The following GPR39 variants were observed in gnomAD, a reference collection of about 807,000 sequenced individuals.
GPR39 encodes zinc sensing receptor.
A neutral mutation model predicts 18.4 loss-of-function variants in GPR39; 23 were observed. That is an observed-to-expected ratio of 1.25 (90% CI 0.90 to 1.77). GPR39 has a LOEUF of 1.77. Among genes scored for constraint, GPR39 ranks in the 40% most tolerant of loss-of-function variants. GPR39 has a pLI of 0.00. For synonymous variants in GPR39, 280 were observed against 257.9 expected, an observed-to-expected ratio of 1.09 and a Z score of -0.82; for missense variants, 647 against 602.4, an observed-to-expected ratio of 1.07 and a Z score of -0.78.
At chr2:132,592,093 G>T (rs1680855975) in intron 1 of GPR39, among the ~76,000 whole-genome samples, 1 of 152,204 alleles carries the variant, frequency 6.6e-6, no homozygotes, top group Non-Finnish European at 1.5e-5. Flanking sequence ...TGGTATTCTA[G>T]ACATTAAGAG....
In GPR39 at chr2:132,443,387, C is replaced by T. The variant is rs114054086; in HGVS notation, c.856+25489C>T. On this transcript the variant is annotated intron_variant, in intron 1 of 1. Transcript: ENST00000329321. ...GGATGACATAAAAGCGATACACATT[C>T]GGGAGAAAGCACTCTGTGAGTACCC... Among the ~76,000 whole-genome samples the T allele has an allele frequency of 8.9e-3, 1,361 of 152,222 alleles. 19 individuals are homozygous for T. Among genetic ancestry groups the T allele is most frequent in the African/African-American group, 0.03 (1,263 of 41,544 alleles).
chr2:132,602,770 A>T (rs1681065159), intron 1 of GPR39, among the ~76,000 whole-genome samples: 1 of 152,098 alleles, frequency 6.6e-6, no homozygotes. Flanking sequence ...CAAGTGGCCA[A>T]TAAGTATATG....
At chr2:132,423,395 A>G (rs892618636) in intron 1 of GPR39, among the ~76,000 whole-genome samples, 3 of 152,252 alleles carry the variant, frequency 2.0e-5, no homozygotes, top group Middle Eastern at 6.8e-3. Context: ...TACCTCCCAA[A>G]GGCCCAATCT....
chr2:132,598,364 G>GT (rs1437104431), intron 1 of GPR39, among the ~76,000 whole-genome samples: 27 of 134,380 alleles, frequency 2.0e-4, no homozygotes, highest in Non-Finnish European at 3.4e-4. Flanking sequence ...ATCACCAAGG[G>GT]ATTTTTTTTT....
At chr2:132,494,831 C>T (rs1573631267) in intron 1 of GPR39, among the ~76,000 whole-genome samples, 1 of 152,076 alleles carries the variant, frequency 6.6e-6, no homozygotes, top group Non-Finnish European at 1.5e-5. Context: ...GTGCAGTTTC[C>T]CAGGTTTCTT....
chr2:132,600,550 C>A (rs1558854178), intron 1 of GPR39, among the ~76,000 whole-genome samples: 1 of 151,898 alleles, frequency 6.6e-6, no homozygotes, highest in Non-Finnish European at 1.5e-5. Context: ...CACAGAAATA[C>A]AAGGGATCAT....
intron 1 of GPR39, among the ~76,000 whole-genome samples, chr2:132,535,904 T>C (rs1679749004): frequency 6.6e-6 from 1 of 151,792 alleles, no homozygotes; most frequent in South Asian, 2.1e-4. Flanking sequence ...GTGGGGTCAG[T>C]GGTGCTATCC....
At chr2:132,441,021 G>A (rs182325955) in intron 1 of GPR39, among the ~76,000 whole-genome samples, 1 of 152,334 alleles carries the variant, frequency 6.6e-6, no homozygotes, top group Admixed American at 6.5e-5. Flanking sequence ...AAATTTTTAA[G>A]TAAATTAAAA....
chr2:132,642,336 T>C (rs1681870602), intron 1 of GPR39, among the ~76,000 whole-genome samples: 1 of 152,218 alleles, frequency 6.6e-6, no homozygotes, highest in Admixed American at 6.5e-5. Context: ...TTCTGTTACT[T>C]GTTCACACTG....
At chr2:132,624,551 T>A (rs906528553) in intron 1 of GPR39, among the ~76,000 whole-genome samples, 1 of 152,252 alleles carries the variant, frequency 6.6e-6, no homozygotes, top group Non-Finnish European at 1.5e-5. Flanking sequence ...ACCAGATGAC[T>A]AGTACTCCTG....
intron 1 of GPR39, among the ~76,000 whole-genome samples, chr2:132,466,843 A>G (rs955369005): frequency 6.6e-6 from 1 of 152,178 alleles, no homozygotes; most frequent in African/African-American, 2.4e-5. Context: ...CCTCTCAACA[A>G]CTTGAGCTAG....
intron 1 of GPR39, among the ~76,000 whole-genome samples, chr2:132,486,751 T>C (rs985679330): frequency 3.3e-5 from 5 of 152,224 alleles, no homozygotes; most frequent in African/African-American, 1.2e-4. Flanking sequence ...TGGTTTGATC[T>C]TCTATCAAAA....
At chr2:132,448,373 G>C (rs986864281) in intron 1 of GPR39, among the ~76,000 whole-genome samples, 5 of 152,200 alleles carry the variant, frequency 3.3e-5, no homozygotes, top group African/African-American at 1.2e-4. Context: ...AACACAAAAG[G>C]CTTTCTCTAA....
chr2:132,607,980 A>G (rs554104153), intron 1 of GPR39, among the ~76,000 whole-genome samples: 137 of 152,284 alleles, frequency 9.0e-4, no homozygotes, highest in Admixed American at 2.5e-3. Context: ...TGGCAGAGCA[A>G]TTCTCTGGTT....
chr2:132,483,834 A>G lies in GPR39; in HGVS notation c.856+65936A>G, dbSNP rs978321957. Among the ~76,000 whole-genome samples, 19 of 152,200 alleles carry G rather than the reference A, an allele frequency of 1.2e-4. 1 individual carries two copies. The highest frequency in any genetic ancestry group is 1.0e-3 in the Admixed American group (16 of 15,282). Reference sequence around the variant, plus strand: ...TTCCTGGAGCAGGTCCTACTAAAAAAAAATGACAATATTCCTGGGTACTTT... The same window carrying G: ...TTCCTGGAGCAGGTCCTACTAAAAAGAAATGACAATATTCCTGGGTACTTT... On this transcript the variant is annotated intron_variant, in intron 1 of 1. Coordinates refer to ENST00000329321, the MANE Select transcript of GPR39 (RefSeq NM_001508.3).
chr2:132,637,021 C>T (rs1039104457), intron 1 of GPR39, among the ~76,000 whole-genome samples: 2 of 152,202 alleles, frequency 1.3e-5, no homozygotes, highest in African/African-American at 2.4e-5. Flanking sequence ...TTAGGACTTA[C>T]TATCAGTGGA....
At chr2:132,462,937 C>T (rs1387996311) in intron 1 of GPR39, among the ~76,000 whole-genome samples, 4 of 152,212 alleles carry the variant, frequency 2.6e-5, no homozygotes, top group African/African-American at 7.2e-5. Context: ...TGTGATTCTG[C>T]TCTTTTCAGC....
intron 1 of GPR39, among the ~76,000 whole-genome samples, chr2:132,444,637 A>C (rs116189964): frequency 0.01 from 1,569 of 152,282 alleles, 15 homozygotes; most frequent in South Asian, 0.017. Flanking sequence ...GAACTCATGC[A>C]TCTGCTGGAG....
At chr2:132,492,996 TATACC>T (rs1225089482) in intron 1 of GPR39, among the ~76,000 whole-genome samples, 2 of 142,296 alleles carry the variant, frequency 1.4e-5, no homozygotes, top group Admixed American at 1.4e-4. Context: ...ACACCATAGA[TATACC>T]ATATATACAC....
Sources: gnomAD v4.1 joint callset for allele counts (sites outside exome capture counted in the v4.1 genomes callset) on GRCh38, gnomAD v4.1.1 for gene constraint, MANE v1.5 for transcripts, NCBI Gene and HGNC (gene_info 2026-07-23, HGNC 2026-07-21) for gene names.